The following PLAC1 variants were observed in gnomAD, a reference collection of about 807,000 sequenced individuals.
The protein encoded by PLAC1 is placenta-specific protein 1.
For synonymous variants in PLAC1, 68 were observed against 62.1 expected, an observed-to-expected ratio of 1.09 and a Z score of -0.44; for missense variants, 136 against 163.2, an observed-to-expected ratio of 0.83 and a Z score of 0.91.
At chrX:134,607,623 C>A in intron 1 of PLAC1, 2 of 135,958 alleles carry the variant, frequency 1.5e-5, no homozygotes, top group South Asian at 5.0e-4. Context: ...CGCATGAATT[C>A]ATGGCATAAT....
intron 2 of PLAC1, among the ~76,000 whole-genome samples, chrX:134,699,821 C>T (rs1214696971): frequency 8.9e-6 from 1 of 111,878 alleles, no homozygotes; most frequent in Non-Finnish European, 1.9e-5. Context: ...AAATCACACT[C>T]AAGATCAAAT....
intron 2 of PLAC1, among the ~76,000 whole-genome samples, chrX:134,690,492 G>A (rs890232580): frequency 9.0e-6 from 1 of 111,473 alleles, no homozygotes; most frequent in African/African-American, 3.3e-5. Flanking sequence ...AATCTCTGGG[G>A]ATGACCTGGA....
At chrX:134,666,093 G>C in intron 2 of PLAC1, among the ~76,000 whole-genome samples, 1 of 111,346 alleles carries the variant, frequency 9.0e-6, no homozygotes, top group Non-Finnish European at 1.9e-5. Flanking sequence ...ACGCAGAATC[G>C]GGGACTCAAA....
chrX:134,686,301 G>A (rs1189844990), intron 2 of PLAC1, among the ~76,000 whole-genome samples: 1 of 112,040 alleles, frequency 8.9e-6, no homozygotes, highest in Non-Finnish European at 1.9e-5. Context: ...TTTGAAGATG[G>A]GAAAGTTGGT....
chrX:134,630,869 G>A (rs2078257692), intron 1 of PLAC1, among the ~76,000 whole-genome samples: 1 of 111,884 alleles, frequency 8.9e-6, no homozygotes, highest in Admixed American at 9.5e-5. Context: ...CCTTGATTAA[G>A]CTAAGTATTC....
chrX:134,662,537 A>G (rs372138216), upstream of PLAC1, among the ~76,000 whole-genome samples: 7 of 112,377 alleles, frequency 6.2e-5, no homozygotes, highest in East Asian at 8.4e-4. Flanking sequence ...CCAAGAGTTG[A>G]GAACTTTCCC....
rs758950902 is a variant in PLAC1, at chrX:134,566,599, C to T, written c.84G>A (p.Val28=). ...CCATGAACCAGTCTATGGAGCACAG[C>T]ACAGTCATTGGACTTTGTCCTGAAC... is the stretch of plus-strand genomic sequence containing the variant. ...SAGSGQSPMT[V]LCSIDWFMVT... The change falls in exon 3 of 3, where the codon GTG becomes GTA. Residue 28 remains valine (V), a synonymous_variant. Transcript: ENST00000359237. 1 of 1,210,318 alleles carries T rather than the reference C, an allele frequency of 8.3e-7. No homozygotes were observed. The highest frequency in any genetic ancestry group is 1.1e-6 in the Non-Finnish European group (1 of 894,188).
intron 1 of PLAC1, among the ~76,000 whole-genome samples, chrX:134,630,594 G>A (rs2078256575): frequency 9.0e-6 from 1 of 111,609 alleles, no homozygotes; most frequent in East Asian, 2.8e-4. Flanking sequence ...TTTAAGGGCG[G>A]GCAAGATGGG....
chrX:134,676,771 T>C (rs1474727856), intron 2 of PLAC1, among the ~76,000 whole-genome samples: 6 of 111,360 alleles, frequency 5.4e-5, no homozygotes, highest in Admixed American at 4.8e-4. Context: ...GCCAATTTTA[T>C]GTATGGGTCC....
chrX:134,685,060 C>T (rs2078511699), intron 2 of PLAC1, among the ~76,000 whole-genome samples: 2 of 112,413 alleles, frequency 1.8e-5, no homozygotes, highest in Non-Finnish European at 3.8e-5. Context: ...CTCAGCAGAG[C>T]AGCTGTCAGT....
chrX:134,683,283 C>T (rs2078505007), intron 2 of PLAC1, among the ~76,000 whole-genome samples: 1 of 110,472 alleles, frequency 9.1e-6, no homozygotes, highest in East Asian at 2.8e-4. Context: ...AGGCTTTCCA[C>T]GGCCATTTCT....
At position 134,651,958 on chromosome X, in the gene PLAC1, C is replaced by T. The variant is rs150515957; in HGVS notation, c.-131+6370G>A. Among the ~76,000 whole-genome samples the T allele has an allele frequency of 7.6e-4, 85 of 111,447 alleles. No individual in the cohort carries two copies. The East Asian group carries it at 0.022, about 29-fold the overall frequency. ...TCCTTTTCTCATTTCTTAATTTCTACGGGGGGAGGAGGGTATCATGTGGGT... is the reference window on the plus strand; with the variant it reads ...TCCTTTTCTCATTTCTTAATTTCTATGGGGGGAGGAGGGTATCATGTGGGT... On this transcript the variant is annotated intron_variant, in intron 1 of 2. Transcript: ENST00000359237.
chrX:134,590,329 G>C (rs187866386), intron 2 of PLAC1, among the ~76,000 whole-genome samples: 1 of 111,308 alleles, frequency 9.0e-6, no homozygotes, highest in Non-Finnish European at 1.9e-5. Context: ...CAACATATAC[G>C]TACTGAGCAC....
intron 1 of PLAC1, among the ~76,000 whole-genome samples, chrX:134,609,169 T>C (rs1057109957): frequency 9.0e-6 from 1 of 110,799 alleles, no homozygotes; most frequent in African/African-American, 3.3e-5. Flanking sequence ...AGTAATGTCA[T>C]TGTCATCTCC....
chrX:134,729,421 G>A (rs2078682408), intron 2 of PLAC1, among the ~76,000 whole-genome samples: 1 of 111,885 alleles, frequency 8.9e-6, no homozygotes, highest in South Asian at 3.8e-4. Flanking sequence ...GAGGCACCAC[G>A]CATTGAGTAA....
intron 2 of PLAC1, among the ~76,000 whole-genome samples, chrX:134,598,709 C>T (rs1418424271): frequency 9.0e-6 from 1 of 110,960 alleles, no homozygotes; most frequent in Non-Finnish European, 1.9e-5. Context: ...TAGGACCTGG[C>T]GGTAGTTTTT....
At chrX:134,685,449 C>CTTTTTT (rs200498313) in intron 2 of PLAC1, among the ~76,000 whole-genome samples, 93 of 49,125 alleles carry the variant, frequency 1.9e-3, no homozygotes, top group Admixed American at 2.9e-3. Context: ...AATGGCGTCC[C>CTTTTTT]TTTTTTTTTT....
At chrX:134,666,569 C>G (rs925713786) in intron 2 of PLAC1, among the ~76,000 whole-genome samples, 8 of 111,960 alleles carry the variant, frequency 7.1e-5, no homozygotes, top group African/African-American at 2.6e-4. Flanking sequence ...AAAGACTTTT[C>G]TTAAACTCAT....
intron 1 of PLAC1, among the ~76,000 whole-genome samples, chrX:134,641,075 T>C (rs1208466368): frequency 9.0e-6 from 1 of 111,283 alleles, no homozygotes; most frequent in Admixed American, 9.5e-5. Context: ...TGAGACCCCA[T>C]CTCTCCAAAA....
Sources: gnomAD v4.1 joint callset for allele counts (sites outside exome capture counted in the v4.1 genomes callset) on GRCh38, gnomAD v4.1.1 for gene constraint, MANE v1.5 for transcripts, NCBI Gene and HGNC (gene_info 2026-07-23, HGNC 2026-07-21) for gene names.